Variants in ESRRG observed in about 807,000 individuals in gnomAD.
ESRRG encodes the protein estrogen-related receptor gamma.
A neutral mutation model predicts 44.0 loss-of-function variants in ESRRG; 13 were observed. The ratio of observed to expected loss-of-function variants is 0.30; its 90% CI spans 0.19 to 0.47. The LOEUF (loss-of-function observed/expected upper bound fraction) is 0.47. Among genes scored for constraint, ESRRG ranks in the 20% least tolerant of loss-of-function variants. The pLI is 1.00. For missense variants in ESRRG, 395 were observed against 580.6 expected (o/e 0.68, Z 3.29); for synonymous variants, 215 against 214.6 (o/e 1.00, Z -0.02).
At chr1:217,014,124 CT>C (rs532161413) in intron 1 of ESRRG, among the ~76,000 whole-genome samples, 36 of 152,034 alleles carry the variant, frequency 2.4e-4, no homozygotes, top group African/African-American at 8.7e-4. Flanking sequence ...TTTGTGACTG[CT>C]GTGGGTGTTT....
At chr1:216,709,714 A>G (rs901722812) in intron 1 of ESRRG, among the ~76,000 whole-genome samples, 3 of 151,544 alleles carry the variant, frequency 2.0e-5, no homozygotes, top group Non-Finnish European at 4.4e-5. Flanking sequence ...AATTGGAGGG[A>G]GTATGTATAC....
chr1:216,745,385 C>T (rs1270520742), intron 2 of ESRRG, among the ~76,000 whole-genome samples: 1 of 152,140 alleles, frequency 6.6e-6, no homozygotes, highest in Admixed American at 6.6e-5. Flanking sequence ...AAGACAGGGT[C>T]TTGCTATGTT....
At chr1:216,684,382 G>C (rs1010361032) in intron 1 of ESRRG, among the ~76,000 whole-genome samples, 1 of 152,198 alleles carries the variant, frequency 6.6e-6, no homozygotes, top group African/African-American at 2.4e-5. Flanking sequence ...GCGCTTAGTA[G>C]TGCAACTTAT....
intron 1 of ESRRG, among the ~76,000 whole-genome samples, chr1:216,988,980 G>T (rs889683243): frequency 4.6e-5 from 7 of 152,132 alleles, no homozygotes; most frequent in Admixed American, 1.3e-4. Context: ...CTTTAATTGG[G>T]ATTACAACAA....
chr1:216,535,324 T>C (rs1480195888), intron 5 of ESRRG, among the ~76,000 whole-genome samples: 1 of 152,100 alleles, frequency 6.6e-6, no homozygotes, highest in Admixed American at 6.6e-5. Context: ...TGCTCCAGAC[T>C]AAACCTTCCA....
chr1:217,015,957 C>G (rs1177390239), intron 1 of ESRRG, among the ~76,000 whole-genome samples: 1 of 152,018 alleles, frequency 6.6e-6, no homozygotes, highest in Non-Finnish European at 1.5e-5. Context: ...CTTCGAACTG[C>G]TGACCTCAGG....
At chr1:217,072,133 A>G (rs2090639804) in intron 1 of ESRRG, among the ~76,000 whole-genome samples, 1 of 152,222 alleles carries the variant, frequency 6.6e-6, no homozygotes, top group Admixed American at 6.5e-5. Context: ...GTGCAATCCA[A>G]GCTAAAGCTC....
chr1:216,651,712 T>C (rs2069018477), intron 2 of ESRRG, among the ~76,000 whole-genome samples: 1 of 152,284 alleles, frequency 6.6e-6, no homozygotes, highest in South Asian at 2.1e-4. Context: ...GTCATCATCA[T>C]TATCATCCTC....
chr1:216,925,403 C>T (rs1207206361), intron 2 of ESRRG, among the ~76,000 whole-genome samples: 1 of 152,192 alleles, frequency 6.6e-6, no homozygotes, highest in Non-Finnish European at 1.5e-5. Flanking sequence ...CGCCACCACA[C>T]TCCAGCCTGG....
At chr1:216,704,100 T>C (rs1405136492) in intron 1 of ESRRG, among the ~76,000 whole-genome samples, 2 of 152,192 alleles carry the variant, frequency 1.3e-5, no homozygotes, top group African/African-American at 2.4e-5. Flanking sequence ...CCGTTCCCCA[T>C]ATAGACCTTG....
chr1:216,931,392 G>A (rs1463179712), intron 2 of ESRRG, among the ~76,000 whole-genome samples: 2 of 152,108 alleles, frequency 1.3e-5, no homozygotes, highest in East Asian at 3.9e-4. Context: ...CCCTTCCTAT[G>A]AAAAATGTTT....
intron 1 of ESRRG, among the ~76,000 whole-genome samples, chr1:217,102,224 C>G (rs1232296572): frequency 6.6e-6 from 1 of 152,186 alleles, no homozygotes; most frequent in East Asian, 1.9e-4. Flanking sequence ...ATTTTTAAAT[C>G]TGTAAAAACG....
At chr1:216,842,918 A>G (rs1430868693) in intron 2 of ESRRG, among the ~76,000 whole-genome samples, 2 of 152,158 alleles carry the variant, frequency 1.3e-5, no homozygotes, top group Non-Finnish European at 2.9e-5. Context: ...TTTCATAAAA[A>G]CCAGTAAGCT....
chr1:216,800,526 C>G (rs1257401969), intron 2 of ESRRG, among the ~76,000 whole-genome samples: 2 of 152,128 alleles, frequency 1.3e-5, no homozygotes, highest in East Asian at 3.8e-4. Flanking sequence ...GGCACGAAAG[C>G]ATCCCTTTAA....
Position 216,577,920 on chromosome 1 carries a change from G to A in ESRRG, c.590-9822C>T, listed in dbSNP as rs532973174. On this transcript the variant is annotated intron_variant, in intron 3 of 6. Transcript: ENST00000408911. ...AGAGGAACTTATGGAAATTCTAATAGGGGAAAACTTTATCTCTGAGCCAAT... is the reference window on the plus strand; with the variant it reads ...AGAGGAACTTATGGAAATTCTAATAAGGGAAAACTTTATCTCTGAGCCAAT... Among the ~76,000 whole-genome samples the A allele has an allele frequency of 3.3e-5, 5 of 152,072 alleles. No individual in the cohort carries two copies. The South Asian group carries it at 1.0e-3, about 32-fold the overall frequency.
intron 3 of ESRRG, among the ~76,000 whole-genome samples, chr1:216,571,059 C>T (rs985657948): frequency 5.3e-5 from 8 of 152,124 alleles, no homozygotes; most frequent in Admixed American, 2.6e-4. Context: ...CATACAGTTA[C>T]ATCACTTTAA....
At chr1:217,010,356 C>G (rs2078389631) in intron 1 of ESRRG, among the ~76,000 whole-genome samples, 1 of 152,116 alleles carries the variant, frequency 6.6e-6, no homozygotes, top group African/African-American at 2.4e-5. Flanking sequence ...AAAACACTCA[C>G]AAATGCAGCT....
At chr1:216,975,120 T>A (rs1351022645) in intron 1 of ESRRG, among the ~76,000 whole-genome samples, 2 of 152,218 alleles carry the variant, frequency 1.3e-5, no homozygotes, top group Non-Finnish European at 2.9e-5. Context: ...CCAGTTAACG[T>A]TGTTATTATC....
At chr1:216,922,026 C>T (rs372578728) in intron 2 of ESRRG, among the ~76,000 whole-genome samples, 127 of 152,250 alleles carry the variant, frequency 8.3e-4, no homozygotes, top group African/African-American at 2.8e-3. Flanking sequence ...GGCCAGTCAA[C>T]AGTGGGATAA....
Sources: allele counts gnomAD v4.1 joint callset (sites outside exome capture counted in the v4.1 genomes callset), GRCh38; gene constraint gnomAD v4.1.1; transcripts MANE v1.5; gene names NCBI Gene and HGNC (gene_info 2026-07-23, HGNC 2026-07-21).